DCK: variants seen among roughly 807,000 people sequenced by gnomAD.
The protein encoded by DCK is deoxyadenosine kinase.
In DCK, 23 loss-of-function variants were observed where a neutral mutation model predicts 38.3. The observed-to-expected ratio is 0.60, with a 90% CI of 0.43 to 0.85. The LOEUF (loss-of-function observed/expected upper bound fraction) is 0.85. DCK is among the 40% of genes least tolerant of loss of function. The pLI, the probability that DCK is intolerant of heterozygous loss-of-function variation, is 0.00. For synonymous variants in DCK, 108 were observed against 100.6 expected (o/e 1.07, Z -0.44); for missense variants, 259 against 304.4 (o/e 0.85, Z 1.11).
intron 1 of DCK, 88 bp downstream of exon 1, chr4:70,994,014 C>A: frequency 1.0e-6 from 1 of 952,670 alleles, no homozygotes. Context: ...TCTGCAGCAA[C>A]TCGGTGAGGG....
intron 2 of DCK, among the ~76,000 whole-genome samples, chr4:71,009,283 T>C (rs1017846581): frequency 1.3e-5 from 2 of 152,206 alleles, no homozygotes; most frequent in African/African-American, 4.8e-5. Context: ...TGTTAACTGT[T>C]GGGAGTATAC....
chr4:71,012,777 A>C (rs1176945974), intron 2 of DCK, among the ~76,000 whole-genome samples: 1 of 151,918 alleles, frequency 6.6e-6, no homozygotes, highest in South Asian at 2.1e-4. Flanking sequence ...CGTCACCATC[A>C]TCAAAGACCA....
chr4:71,020,157 G>C (rs1239922077), intron 2 of DCK, among the ~76,000 whole-genome samples: 1 of 152,048 alleles, frequency 6.6e-6, no homozygotes, highest in African/African-American at 2.4e-5. Context: ...GAAGAAACAG[G>C]GTCATTTGTT....
chr4:71,025,919 A>G lies in DCK; in HGVS notation c.653A>G (p.His218Arg). The change falls in exon 5 of 7, where the codon CAT (histidine) becomes CGT (arginine). Residue 218 changes from histidine (H) to arginine (R), a missense_variant. His to Arg is a conservative substitution (Grantham distance 29). Coordinates refer to ENST00000286648, the MANE Select transcript of DCK (RefSeq NM_000788.3). ...LHYKHESWLLHRTLKTNFDYL... is the reference protein window; with the variant it reads ...LHYKHESWLLRRTLKTNFDYL... ...TATAAACATGAAAGCTGGCTCCTGC[A>G]TAGGACACTGAAGTAAGACTTATTT... 1.2e-6 allele frequency: 2 copies of G among 1,603,014 alleles called. No individual in the cohort carries two copies. The highest frequency in any genetic ancestry group is 1.7e-6 in the Non-Finnish European group (2 of 1,175,774).
intron 2 of DCK, among the ~76,000 whole-genome samples, chr4:71,007,666 A>G (rs1355100528): frequency 6.6e-6 from 1 of 152,212 alleles, no homozygotes; most frequent in African/African-American, 2.4e-5. Context: ...TGTCCATATT[A>G]TATGCAGCTG....
intron 2 of DCK, among the ~76,000 whole-genome samples, chr4:70,999,440 G>T (rs1463548911): frequency 6.6e-6 from 1 of 152,190 alleles, no homozygotes; most frequent in Non-Finnish European, 1.5e-5. Flanking sequence ...ATTTGGGTTG[G>T]TTCCAAGTCT....
chr4:71,023,100 T>C (rs140859744), intron 3 of DCK, among the ~76,000 whole-genome samples: 18 of 152,242 alleles, frequency 1.2e-4, no homozygotes, highest in African/African-American at 4.1e-4. Context: ...CAAAAATGAT[T>C]TAAAATTAGC....
At chr4:71,012,490 G>A (rs536484785) in intron 2 of DCK, among the ~76,000 whole-genome samples, 10 of 152,216 alleles carry the variant, frequency 6.6e-5, no homozygotes, top group African/African-American at 1.4e-4. Flanking sequence ...CCTGACCCCC[G>A]AATAGCCTAA....
chr4:70,996,938 T>G (rs1025766686), intron 1 of DCK, among the ~76,000 whole-genome samples: 2 of 152,222 alleles, frequency 1.3e-5, no homozygotes, highest in Admixed American at 6.5e-5. Flanking sequence ...TTTGCCTTCA[T>G]AGAAAATTAA....
intron 1 of DCK, among the ~76,000 whole-genome samples, chr4:70,996,261 G>T (rs1739657571): frequency 6.6e-6 from 1 of 151,750 alleles, no homozygotes; most frequent in Non-Finnish European, 1.5e-5. Context: ...AGCTACTCAG[G>T]AGGCTGAGGT....
At chr4:71,023,326 T>C (rs1042523856) in intron 3 of DCK, among the ~76,000 whole-genome samples, 2 of 152,228 alleles carry the variant, frequency 1.3e-5, no homozygotes, top group African/African-American at 4.8e-5. Flanking sequence ...TATGAAGTAA[T>C]CTGGCCTCTC....
chr4:70,999,160 C>T (rs965706897), intron 2 of DCK, among the ~76,000 whole-genome samples: 4 of 152,094 alleles, frequency 2.6e-5, no homozygotes, highest in African/African-American at 9.7e-5. Context: ...CTAATGCTAA[C>T]CCTTCCCTTG....
intron 2 of DCK, among the ~76,000 whole-genome samples, chr4:71,018,960 C>G (rs1380922161): frequency 1.3e-5 from 2 of 152,102 alleles, no homozygotes; most frequent in African/African-American, 4.8e-5. Context: ...GCCTGAGCTG[C>G]CTCACCTGGC....
In DCK at chr4:71,022,272, T is replaced by C. The variant is rs929109158; in HGVS notation, c.208-95T>C. On this transcript the variant is annotated intron_variant, in intron 2 of 6. Coordinates refer to ENST00000286648, the MANE Select transcript of DCK (RefSeq NM_000788.3). ...TGGTTTTGCTGATCATGATTACATT[T>C]ATTTATCTGACTTTTATTTTTTAGC... 25 of 659,134 alleles carry C rather than the reference T, an allele frequency of 3.8e-5. No homozygotes were observed. In the African/African-American group the frequency reaches 4.3e-4, roughly 11 times the overall value. The allele number at this position is 659,134 out of a possible 1,614,324, so 40.8% of individuals were successfully genotyped here. A position where few individuals can be genotyped will look rare whatever the true frequency, so the allele number is the denominator to read the frequency against.
In DCK at chr4:70,999,456, A is replaced by G. The variant is rs185889863; in HGVS notation, c.207+1274A>G. On this transcript the variant is annotated intron_variant, in intron 2 of 6. Transcript: ENST00000286648. The stretch of plus-strand genomic sequence containing the variant: ...TTTGGGTTGGTTCCAAGTCTTTGCT[A>G]TTGTGAATAGCGCTGGAGTAAACAT... Among the ~76,000 whole-genome samples the G allele has an allele frequency of 9.2e-5, 14 of 152,294 alleles. No individual in the cohort carries two copies. In the East Asian group the frequency reaches 2.3e-3, roughly 25 times the overall value.
intron 2 of DCK, among the ~76,000 whole-genome samples, chr4:71,002,504 G>A (rs1231634905): frequency 6.6e-6 from 1 of 152,088 alleles, no homozygotes; most frequent in African/African-American, 2.4e-5. Context: ...CTGAGTTCAA[G>A]TCCTGAATAT....
At chr4:71,006,094 C>T (rs1334586015) in intron 2 of DCK, among the ~76,000 whole-genome samples, 2 of 130,850 alleles carry the variant, frequency 1.5e-5, no homozygotes, top group Non-Finnish European at 3.1e-5. Context: ...CCATTGCACT[C>T]CATCTCAAAA....
intron 2 of DCK, among the ~76,000 whole-genome samples, chr4:71,011,352 G>A (rs749069021): frequency 1.3e-4 from 19 of 148,630 alleles, no homozygotes; most frequent in Non-Finnish European, 2.7e-4. Flanking sequence ...TTGAATAGAT[G>A]TGATAACTTT....
chr4:71,029,540 T>C lies in DCK; in HGVS notation c.*162T>C. 1.6e-6 allele frequency: 1 copy of C among 614,984 alleles called. No homozygotes were observed. 38.1% of individuals were successfully genotyped at this position (614,984 alleles called of 1,614,324 possible). A position where few individuals can be genotyped will look rare whatever the true frequency, so the allele number is the denominator to read the frequency against. On this transcript the variant is annotated 3_prime_UTR_variant, in exon 7 of 7. Coordinates refer to ENST00000286648, the MANE Select transcript of DCK (RefSeq NM_000788.3). ...AAAATGAATCTTATGCAAAACTTTTTGACCAGTTTCTTTTCTTTTGTTTTT... is the reference window on the plus strand; with the variant it reads ...AAAATGAATCTTATGCAAAACTTTTCGACCAGTTTCTTTTCTTTTGTTTTT...
Sources: allele counts gnomAD v4.1 joint callset (sites outside exome capture counted in the v4.1 genomes callset), GRCh38; gene constraint gnomAD v4.1.1; transcripts MANE v1.5; gene names NCBI Gene and HGNC (gene_info 2026-07-23, HGNC 2026-07-21).